Variants in UNC80 observed in about 807,000 individuals in gnomAD.
The protein encoded by UNC80 is unc-80 subunit of NALCN channel complex.
Under a neutral mutation model 384.6 loss-of-function variants are expected in UNC80, and 164 were observed. That is an observed-to-expected ratio of 0.43 (90% CI 0.38 to 0.49). UNC80 has a LOEUF of 0.49. Ranked by LOEUF, UNC80 falls within the 20% of genes least tolerant of loss-of-function variation. The probability of loss-of-function intolerance (pLI) is 0.00; values close to 1 mark genes in which losing one functional copy is unlikely to be tolerated. For missense variants in UNC80, 3,330 were observed against 4,143.0 expected, an observed-to-expected ratio of 0.80 and a Z score of 5.39; for synonymous variants, 1,486 against 1,527.8, an observed-to-expected ratio of 0.97 and a Z score of 0.64.
At chr2:209,978,372 T>G (rs999203940) in intron 58 of UNC80, among the ~76,000 whole-genome samples, 157 bp from the exon 59 acceptor site, 1 of 152,188 alleles carries the variant, frequency 6.6e-6, no homozygotes, top group Admixed American at 6.5e-5. Flanking sequence ...AAATAAAAAA[T>G]CCCCACTTTC....
chr2:209,873,529 A>G (rs188453394), intron 23 of UNC80, among the ~76,000 whole-genome samples: 28 of 152,356 alleles, frequency 1.8e-4, no homozygotes, highest in African/African-American at 6.7e-4. Context: ...GAATAAATTT[A>G]AAAGTGAATG....
chr2:209,865,689 G>T (rs1240064365), intron 22 of UNC80, among the ~76,000 whole-genome samples: 1 of 151,822 alleles, frequency 6.6e-6, no homozygotes, highest in East Asian at 1.9e-4. Context: ...GACATTATTT[G>T]TATTGATTTT....
chr2:209,915,518 T>A (rs1575001840), intron 31 of UNC80, among the ~76,000 whole-genome samples: 1 of 149,160 alleles, frequency 6.7e-6, no homozygotes, highest in Non-Finnish European at 1.5e-5. Flanking sequence ...TGTAGAGGGG[T>A]CACAAGTCCA....
intron 7 of UNC80, among the ~76,000 whole-genome samples, chr2:209,796,775 G>C (rs552077785): frequency 6.6e-6 from 1 of 152,280 alleles, no homozygotes; most frequent in South Asian, 2.1e-4. Flanking sequence ...GGCCTCCCCA[G>C]CCATGTGGAA....
intron 25 of UNC80, among the ~76,000 whole-genome samples, chr2:209,882,113 C>T (rs1323846366): frequency 2.6e-5 from 4 of 151,860 alleles, no homozygotes; most frequent in East Asian, 1.9e-4. Context: ...ACTACAGGCG[C>T]GTGCCACCAT....
intron 27 of UNC80, among the ~76,000 whole-genome samples, chr2:209,896,085 A>G (rs2086771632): frequency 6.6e-6 from 1 of 152,140 alleles, no homozygotes; most frequent in South Asian, 2.1e-4. Flanking sequence ...TCAAAATGGA[A>G]GCCACCATAA....
chr2:209,961,796 C>T (rs531989491), intron 51 of UNC80, among the ~76,000 whole-genome samples: 1 of 152,282 alleles, frequency 6.6e-6, no homozygotes, highest in South Asian at 2.1e-4. Flanking sequence ...CCTTCACTCT[C>T]TGAAGGTTTG....
At chr2:209,850,125 A>C (rs568735225) in intron 22 of UNC80, among the ~76,000 whole-genome samples, 6 of 152,226 alleles carry the variant, frequency 3.9e-5, no homozygotes, top group East Asian at 1.9e-4. Flanking sequence ...ATATGAAGCA[A>C]GATCAATTGA....
chr2:209,978,674 C>CA lies in UNC80; in HGVS notation c.9085dup (p.Thr3029AsnfsTer6), dbSNP rs1320389094. 8 of 1,548,472 alleles carry CA rather than the reference C, an allele frequency of 5.2e-6. No individual in the cohort carries two copies. Among genetic ancestry groups the CA allele is most frequent in the Non-Finnish European group, 7.0e-6 (8 of 1,144,452 alleles). ...AGCCATCCCAGCAGGCTTCGCAGGACACCCTGAGTCGGACTGATGAGGAAG... is the reference window on the plus strand; with the variant it reads ...AGCCATCCCAGCAGGCTTCGCAGGACAACCCTGAGTCGGACTGATGAGGAAG... On this transcript the variant is annotated frameshift_variant, in exon 59 of 65. Coordinates refer to ENST00000673920, the MANE Select transcript of UNC80 (RefSeq NM_001371986.1). LOFTEE classifies it high-confidence loss of function.
chr2:209,789,636 A>G (rs1409554370), intron 6 of UNC80, 31 bp downstream of exon 6: 1 of 1,491,372 alleles, frequency 6.7e-7, no homozygotes, highest in Non-Finnish European at 9.3e-7. Context: ...AGAAGAAGGG[A>G]GGCAGAAAGT....
At position 209,839,395 on chromosome 2, in the gene UNC80, G is replaced by A. The variant is rs779315784; in HGVS notation, c.3215G>A (p.Arg1072Lys). 1.3e-6 allele frequency: 2 copies of A among 1,551,902 alleles called. No homozygotes were observed. Among genetic ancestry groups the A allele is most frequent in the South Asian group, 2.4e-5 (2 of 84,056 alleles). The part of the protein sequence containing the change: ...SDRRARSRSR[R>K]ISLRKKLKLP... ...CGACGTGCCCGCTCACGATCCCGCA[G>A]AATTTCCCTCCGAAAGAAGCTTAAA... The change falls in exon 19 of 65, where the codon AGA (arginine) becomes AAA (lysine). Residue 1072 changes from arginine to lysine, a missense_variant. Arg to Lys is a conservative substitution (Grantham distance 26). Coordinates refer to ENST00000673920, the MANE Select transcript of UNC80 (RefSeq NM_001371986.1). The surrounding 1 kb of genome is among the most constrained non-coding windows in gnomAD (Gnocchi z 4.1).
At chr2:209,782,509 A>T (rs138954036) in intron 4 of UNC80, among the ~76,000 whole-genome samples, 11 of 151,912 alleles carry the variant, frequency 7.2e-5, no homozygotes, top group Middle Eastern at 3.4e-3. Flanking sequence ...TACTTTGTTT[A>T]TTATCATCCC....
chr2:209,927,532 A>G (rs75993413), intron 36 of UNC80, among the ~76,000 whole-genome samples: 195 of 152,358 alleles, frequency 1.3e-3, no homozygotes, highest in African/African-American at 4.5e-3. Context: ...TCAGCAGGCA[A>G]TCCAATGGCC....
rs1574989245 is a variant in UNC80, at chr2:209,912,598, G to A, written c.4821G>A (p.Lys1607=). ...CATGCCTGAGGACACCTTCTCTAAA[G>A]AAGAGAGTTTCAGATGCCAATCTGG... ...DKSCLRTPSL[K]KRVSDANLEG... Residue 1607 remains lysine, a synonymous_variant, in exon 30 of 65, where the codon AAG becomes AAA. Coordinates refer to ENST00000673920, the MANE Select transcript of UNC80 (RefSeq NM_001371986.1). The A allele has an allele frequency of 3.2e-6, 5 of 1,551,520 alleles. No individual in the cohort carries two copies. The highest frequency in any genetic ancestry group is 4.4e-6 in the Non-Finnish European group (5 of 1,146,836).
At position 209,921,614 on chromosome 2, in the gene UNC80, A is replaced by G. The variant is rs1018327910; in HGVS notation, c.5458A>G (p.Thr1820Ala). 6.4e-7 allele frequency: 1 copy of G among 1,551,718 alleles called. No individual in the cohort carries two copies. The highest frequency in any genetic ancestry group is 1.4e-5 in the African/African-American group (1 of 73,176). Reference sequence around the variant, plus strand: ...ACTTGGTAGAGAAGCCAGCCTCATCACTGCCATCCCCATCACCCAGGAGGC... The same window carrying G: ...ACTTGGTAGAGAAGCCAGCCTCATCGCTGCCATCCCCATCACCCAGGAGGC... ...KRLGREASLI[T>A]AIPITQEACY... Residue 1820 changes from threonine to alanine, a missense_variant, in exon 34 of 65, where the codon ACT becomes GCT. Physicochemically the swap from Thr to Ala is moderately conservative, Grantham distance 58. Coordinates refer to ENST00000673920, the MANE Select transcript of UNC80 (RefSeq NM_001371986.1).
At chr2:209,798,518 A>G (rs2078313377) in intron 7 of UNC80, among the ~76,000 whole-genome samples, 1 of 152,014 alleles carries the variant, frequency 6.6e-6, no homozygotes, top group African/African-American at 2.4e-5. Flanking sequence ...TCACTGCTCT[A>G]TATGTCTGTT....
intron 62 of UNC80, among the ~76,000 whole-genome samples, chr2:209,992,488 T>C (rs1227655345): frequency 6.6e-6 from 1 of 151,968 alleles, no homozygotes; most frequent in Non-Finnish European, 1.5e-5. Context: ...TTTTTTAAAG[T>C]TTATATTTTG....
At chr2:209,851,027 A>G (rs538467368) in intron 22 of UNC80, among the ~76,000 whole-genome samples, 1 of 152,270 alleles carries the variant, frequency 6.6e-6, no homozygotes, top group Non-Finnish European at 1.5e-5. Flanking sequence ...AAGAACAAAC[A>G]AACACTTAAA....
chr2:209,810,772 A>G lies in UNC80; in HGVS notation c.939-2808A>G, dbSNP rs141063698. ...GGGGAGGAAATAATTTGGTCGAACT[A>G]ATAATAACTGTCTTAACCACAGCAG... is the stretch of plus-strand genomic sequence containing the variant. On this transcript the variant is annotated intron_variant, in intron 7 of 64. Coordinates refer to ENST00000673920, the MANE Select transcript of UNC80 (RefSeq NM_001371986.1). Among the ~76,000 whole-genome samples, 790 of 151,680 alleles carry G rather than the reference A, an allele frequency of 5.2e-3. 8 individuals are homozygous for G. The highest frequency in any genetic ancestry group is 8.8e-3 in the Non-Finnish European group (598 of 67,988).
Sources: allele counts gnomAD v4.1 joint callset (sites outside exome capture counted in the v4.1 genomes callset), GRCh38; gene constraint gnomAD v4.1.1; non-coding constraint Gnocchi (gnomAD v3.1); transcripts MANE v1.5; gene names NCBI Gene and HGNC (gene_info 2026-07-23, HGNC 2026-07-21).